CFDP1: variants seen among roughly 807,000 people sequenced by gnomAD.
CFDP1 encodes the protein chromatin remodeling protein CFDP1.
CFDP1 carries 31 observed loss-of-function variants against 40.1 expected under a neutral mutation model. The ratio of observed to expected loss-of-function variants is 0.77; its 90% CI spans 0.58 to 1.04. CFDP1 has a LOEUF of 1.04. CFDP1 is among the 50% of genes least tolerant of loss of function. The pLI is 0.00. For missense variants in CFDP1, 423 were observed against 343.4 expected, an observed-to-expected ratio of 1.23 and a Z score of -1.83; for synonymous variants, 167 against 120.0, an observed-to-expected ratio of 1.39 and a Z score of -2.56.
chr16:75,341,152 T>G (rs2078523958), intron 5 of CFDP1, among the ~76,000 whole-genome samples: 1 of 152,208 alleles, frequency 6.6e-6, no homozygotes, highest in African/African-American at 2.4e-5. Flanking sequence ...TGATGCTATG[T>G]GCATCTCATT....
intron 4 of CFDP1, among the ~76,000 whole-genome samples, chr16:75,397,212 C>G (rs977612596): frequency 1.3e-5 from 2 of 151,418 alleles, no homozygotes; most frequent in Non-Finnish European, 2.9e-5. Context: ...CTGCGCCCAG[C>G]GTTTTTTTGT....
intron 6 of CFDP1, among the ~76,000 whole-genome samples, chr16:75,299,309 C>T (rs188744672): frequency 5.3e-5 from 8 of 152,116 alleles, no homozygotes; most frequent in Admixed American, 1.3e-4. Flanking sequence ...CCTACTTGGC[C>T]GGGTGCAGTG....
rs144458858 is a variant in CFDP1 at position 75,306,915 on chromosome 16, ACTTT to A, written c.651-1737_651-1734del. Among the ~76,000 whole-genome samples, 215 of 150,564 alleles carry A rather than the reference ACTTT, an allele frequency of 1.4e-3. 1 individual carries two copies. Among genetic ancestry groups the A allele is most frequent in the African/African-American group, 5.2e-3 (207 of 40,154 alleles). ...CACACACACACACGCACACACACAC[ACTTT>A]CTTTTTCACCATTTTACCAGGAACG... is the stretch of plus-strand genomic sequence containing the variant. On this transcript the variant is annotated intron_variant, in intron 5 of 6. Transcript: ENST00000283882.
At chr16:75,382,955 T>C (rs114162971) in intron 5 of CFDP1, among the ~76,000 whole-genome samples, 4 of 152,218 alleles carry the variant, frequency 2.6e-5, no homozygotes, top group Non-Finnish European at 5.9e-5. Context: ...ATTCTCAAAT[T>C]AGCAACTACT....
chr16:75,366,375 T>A (rs2078713761), intron 5 of CFDP1, among the ~76,000 whole-genome samples: 1 of 152,194 alleles, frequency 6.6e-6, no homozygotes, highest in African/African-American at 2.4e-5. Context: ...GCACAGTGGC[T>A]CACACCTATA....
In CFDP1 at chr16:75,337,122, G is replaced by A. The variant is rs545929762; in HGVS notation, c.651-31940C>T. On this transcript the variant is annotated intron_variant, in intron 5 of 6. Transcript: ENST00000283882. Reference sequence around the variant, plus strand: ...TTGTTCTAAGCCTTTGAAGGATGTTGTCTCAGTTAAAATGAACTTCCTACT... The same window carrying A: ...TTGTTCTAAGCCTTTGAAGGATGTTATCTCAGTTAAAATGAACTTCCTACT... Among the ~76,000 whole-genome samples the A allele has an allele frequency of 7.7e-4, 118 of 152,324 alleles. 3 individuals are homozygous for A. In the South Asian group the frequency reaches 0.024, roughly 31 times the overall value.
chr16:75,370,688 C>A (rs921784093), intron 5 of CFDP1, among the ~76,000 whole-genome samples: 3 of 152,014 alleles, frequency 2.0e-5, no homozygotes, highest in Non-Finnish European at 4.4e-5. Context: ...CATGGCAAAA[C>A]CCCGTCTCTA....
At chr16:75,297,638 G>C (rs2078193442) in intron 6 of CFDP1, among the ~76,000 whole-genome samples, 1 of 152,236 alleles carries the variant, frequency 6.6e-6, no homozygotes, top group South Asian at 2.1e-4. Context: ...GGGAAGCCTA[G>C]TGGTGGGGGA....
At chr16:75,301,204 A>G (rs2078219136) in intron 6 of CFDP1, among the ~76,000 whole-genome samples, 1 of 152,200 alleles carries the variant, frequency 6.6e-6, no homozygotes, top group Admixed American at 6.5e-5. Flanking sequence ...CACGAGAGGT[A>G]TATTAAAATG....
At chr16:75,389,369 T>A (rs2078928837) in intron 5 of CFDP1, among the ~76,000 whole-genome samples, 1 of 152,262 alleles carries the variant, frequency 6.6e-6, no homozygotes, top group Non-Finnish European at 1.5e-5. Flanking sequence ...GTTTGATTCC[T>A]GCCTCTAATT....
chr16:75,298,134 A>T (rs1349617561), intron 6 of CFDP1, among the ~76,000 whole-genome samples: 6 of 152,250 alleles, frequency 3.9e-5, no homozygotes, highest in African/African-American at 1.4e-4. Flanking sequence ...GGTACATATA[A>T]AACAAATGAA....
intron 1 of CFDP1, among the ~76,000 whole-genome samples, chr16:75,419,913 CTACT>C (rs2079257731): frequency 1.3e-5 from 2 of 152,082 alleles, no homozygotes; most frequent in South Asian, 4.1e-4. Flanking sequence ...CTTTATTCCT[CTACT>C]TTCTTAATAA....
intron 5 of CFDP1, among the ~76,000 whole-genome samples, chr16:75,382,829 A>T (rs756091660): frequency 2.0e-5 from 3 of 151,574 alleles, no homozygotes; most frequent in Non-Finnish European, 4.4e-5. Context: ...ACTGTGGGGG[A>T]AAACTCTTCT....
At chr16:75,321,804 C>T (rs1457323770) in intron 5 of CFDP1, 16 of 152,172 alleles carry the variant, frequency 1.1e-4, no homozygotes, top group Non-Finnish European at 1.9e-4. Flanking sequence ...ATAGGAAACA[C>T]ATTTAAACTT....
intron 1 of CFDP1, among the ~76,000 whole-genome samples, 194 bp from the exon 2 acceptor site, chr16:75,414,889 T>G (rs1450761835): frequency 6.6e-6 from 1 of 152,144 alleles, no homozygotes; most frequent in African/African-American, 2.4e-5. Context: ...CCTACGTTCT[T>G]CTATCGTAGG....
chr16:75,413,965 T>C (rs1030441545), intron 2 of CFDP1, among the ~76,000 whole-genome samples: 1 of 152,186 alleles, frequency 6.6e-6, no homozygotes, highest in Non-Finnish European at 1.5e-5. Context: ...TATACATTTA[T>C]ATATTTATGT....
At chr16:75,389,220 A>C (rs1212845383) in intron 5 of CFDP1, among the ~76,000 whole-genome samples, 2 of 152,216 alleles carry the variant, frequency 1.3e-5, no homozygotes, top group East Asian at 3.8e-4. Context: ...AACTGGATGC[A>C]AGTAGCTAAC....
chr16:75,330,407 T>C (rs9939263), intron 5 of CFDP1, among the ~76,000 whole-genome samples: 1 of 152,144 alleles, frequency 6.6e-6, no homozygotes, highest in African/African-American at 2.4e-5. Flanking sequence ...ACCAACACGG[T>C]GAAACCCCAT....
chr16:75,399,973 T>C (rs1257388019), intron 4 of CFDP1, among the ~76,000 whole-genome samples: 2 of 151,454 alleles, frequency 1.3e-5, no homozygotes, highest in Non-Finnish European at 2.9e-5. Context: ...TGGTGGCACA[T>C]GCCTGTAATC....
Sources: allele counts gnomAD v4.1 joint callset (sites outside exome capture counted in the v4.1 genomes callset), GRCh38; gene constraint gnomAD v4.1.1; transcripts MANE v1.5; gene names NCBI Gene and HGNC (gene_info 2026-07-23, HGNC 2026-07-21).